Variants in CAMTA1 observed in about 807,000 individuals in gnomAD.
CAMTA1 encodes calmodulin-binding transcription activator 1.
A neutral mutation model predicts 170.9 loss-of-function variants in CAMTA1; 27 were observed. The ratio of observed to expected loss-of-function variants is 0.16; its 90% CI spans 0.12 to 0.22. The LOEUF (loss-of-function observed/expected upper bound fraction) is 0.22, where lower values mean the gene tolerates loss of function less well. Ranked by LOEUF, CAMTA1 falls within the 10% of genes least tolerant of loss-of-function variation. The pLI is 1.00. For missense variants in CAMTA1, 1,619 were observed against 2,217.2 expected, an observed-to-expected ratio of 0.73 and a Z score of 5.42; for synonymous variants, 833 against 891.5, an observed-to-expected ratio of 0.93 and a Z score of 1.17.
At chr1:7,660,591 C>CTCCTACCT (rs1257098443) in intron 7 of CAMTA1, among the ~76,000 whole-genome samples, 1 of 152,160 alleles carries the variant, frequency 6.6e-6, no homozygotes, top group African/African-American at 2.4e-5. Flanking sequence ...ACCGAGCCAG[C>CTCCTACCT]TCCTACCTGC....
Position 7,592,246 on chromosome 1 carries a change from C to CT in CAMTA1, c.511-48152dup, listed in dbSNP as rs1254028556. ...GCTCAGTGGCCCTCTTTGAAGGCCC[C>CT]TTCCCCAACCACGCCCATCACTGTC... On this transcript the variant is annotated intron_variant, in intron 6 of 22. Transcript: ENST00000303635. This position sits in a 1 kb window ranked among gnomAD's most constrained non-coding sequence, Gnocchi z 4.6. Among the ~76,000 whole-genome samples, 3 of 152,278 alleles carry CT rather than the reference C, an allele frequency of 2.0e-5. No homozygotes were observed. Among genetic ancestry groups the CT allele is most frequent in the Admixed American group, 6.5e-5 (1 of 15,290 alleles).
At chr1:7,199,935 AC>A (rs1390751790) in intron 4 of CAMTA1, among the ~76,000 whole-genome samples, 4 of 152,122 alleles carry the variant, frequency 2.6e-5, no homozygotes, top group Non-Finnish European at 1.5e-5. Flanking sequence ...ATGTTTATAC[AC>A]CTTTGCTGCA....
At chr1:7,168,255 T>C (rs528151068) in intron 4 of CAMTA1, among the ~76,000 whole-genome samples, 6 of 152,378 alleles carry the variant, frequency 3.9e-5, no homozygotes, top group African/African-American at 1.4e-4. Context: ...CTTTGAATTC[T>C]ATGTAGATAA....
At chr1:7,053,523 C>G (rs1706796964) in intron 3 of CAMTA1, among the ~76,000 whole-genome samples, 1 of 152,172 alleles carries the variant, frequency 6.6e-6, no homozygotes, top group Non-Finnish European at 1.5e-5. Context: ...TTGCTCAAAG[C>G]CTTTCAGGGC....
In CAMTA1 at chr1:7,216,124, G is replaced by C. The variant is rs1458398228; in HGVS notation, c.303-33367G>C. 6.6e-6 allele frequency among the ~76,000 whole-genome samples: 1 copy of C among 152,178 alleles called. No individual in the cohort carries two copies. Among genetic ancestry groups the C allele is most frequent in the Non-Finnish European group, 1.5e-5 (1 of 68,034 alleles). On this transcript the variant is annotated intron_variant, in intron 4 of 22. Coordinates refer to ENST00000303635, the MANE Select transcript of CAMTA1 (RefSeq NM_015215.4). This position sits in a 1 kb window ranked among gnomAD's most constrained non-coding sequence, Gnocchi z 4.0. The stretch of plus-strand genomic sequence containing the variant: ...GGCAGAAGGCGAAGGGGAAGCCCGC[G>C]TGTCCTGCGTGGCTGGAGCAGGAGG...
chr1:7,347,418 G>T (rs758440516), intron 5 of CAMTA1, among the ~76,000 whole-genome samples: 1 of 152,324 alleles, frequency 6.6e-6, no homozygotes, highest in Middle Eastern at 3.4e-3. Flanking sequence ...AGGGTCACGG[G>T]CTTTGGCTTT....
At chr1:7,589,051 A>G (rs892394284) in intron 6 of CAMTA1, among the ~76,000 whole-genome samples, 3 of 152,222 alleles carry the variant, frequency 2.0e-5, no homozygotes, top group African/African-American at 7.2e-5. Flanking sequence ...TTCCATTAGC[A>G]TTCGTTTCCT....
intron 3 of CAMTA1, among the ~76,000 whole-genome samples, chr1:6,952,487 A>G (rs939159453): frequency 5.9e-5 from 9 of 151,358 alleles, no homozygotes; most frequent in African/African-American, 1.9e-4. Flanking sequence ...TTTCTTTGGG[A>G]ATAAATATTA....
intron 6 of CAMTA1, among the ~76,000 whole-genome samples, chr1:7,618,560 C>T (rs2095575922): frequency 6.6e-6 from 1 of 152,202 alleles, no homozygotes; most frequent in South Asian, 2.1e-4. Flanking sequence ...AATTTGGCTC[C>T]TTGGGCCGGT....
At chr1:7,751,483 C>T in intron 20 of CAMTA1, 91 bp downstream of exon 20, 1 of 1,156,226 alleles carries the variant, frequency 8.6e-7, no homozygotes. Flanking sequence ...ACATTGGAGT[C>T]TGGGGTGGGC....
At chr1:7,350,722 GGT>G (rs145129293) in intron 5 of CAMTA1, among the ~76,000 whole-genome samples, 5 of 151,504 alleles carry the variant, frequency 3.3e-5, no homozygotes, top group African/African-American at 7.2e-5. Context: ...GAAGTCATAT[GGT>G]GTGTGTGTGT....
At chr1:7,543,316 C>T (rs1436803637) in intron 6 of CAMTA1, among the ~76,000 whole-genome samples, 1 of 152,192 alleles carries the variant, frequency 6.6e-6, no homozygotes, top group African/African-American at 2.4e-5. Flanking sequence ...TTTTTCATCT[C>T]ATCCCTGGGT....
chr1:6,862,128 A>G (rs1180583170), intron 3 of CAMTA1, among the ~76,000 whole-genome samples: 1 of 152,008 alleles, frequency 6.6e-6, no homozygotes, highest in Non-Finnish European at 1.5e-5. Context: ...ATGCCTGGCT[A>G]CTTTTTATAT....
intron 1 of CAMTA1, among the ~76,000 whole-genome samples, chr1:6,808,611 A>G (rs759342787): frequency 1.3e-5 from 2 of 152,154 alleles, no homozygotes; most frequent in Non-Finnish European, 2.9e-5. Flanking sequence ...TTTCCTAGTC[A>G]TGGCACATTT....
intron 11 of CAMTA1, among the ~76,000 whole-genome samples, chr1:7,688,071 CCA>C (rs2149375795): frequency 7.5e-6 from 1 of 133,762 alleles, no homozygotes; most frequent in East Asian, 2.2e-4. Flanking sequence ...TATAGTGGCT[CCA>C]TTTCAGCTTA....
chr1:6,791,064 G>T (rs12048319), intron 1 of CAMTA1, among the ~76,000 whole-genome samples: 25,075 of 149,636 alleles, frequency 0.17, 2,172 homozygotes, highest in East Asian at 0.29. Flanking sequence ...CCATTATACA[G>T]ATCTTTTCCT....
intron 11 of CAMTA1, among the ~76,000 whole-genome samples, chr1:7,683,493 G>A (rs1243879602): frequency 1.3e-5 from 2 of 152,078 alleles, no homozygotes; most frequent in Non-Finnish European, 2.9e-5. Flanking sequence ...TAGGGGAGCT[G>A]GAGAAGCACT....
At chr1:6,935,012 T>C (rs1248139640) in intron 3 of CAMTA1, among the ~76,000 whole-genome samples, 1 of 152,154 alleles carries the variant, frequency 6.6e-6, no homozygotes, top group Non-Finnish European at 1.5e-5. Flanking sequence ...TTAAAAGAAA[T>C]GCAGGAAAAG....
At position 6,886,279 on chromosome 1, in the gene CAMTA1, G is replaced by A. The variant is rs1164494014; in HGVS notation, c.234+61069G>A. 2.0e-5 allele frequency: 9 copies of A among 455,864 alleles called. 1 individual carries two copies. In the East Asian group the frequency reaches 5.6e-4, roughly 28 times the overall value. The allele number at this position is 455,864 out of a possible 1,614,324, so 28.2% of individuals were successfully genotyped here. ...GTAGCAGAAAGCAAATGTGCAAAGA[G>A]CAATGGAAAACAAGTCAGAAGCTGC... On this transcript the variant is annotated intron_variant, in intron 3 of 22. Coordinates refer to ENST00000303635, the MANE Select transcript of CAMTA1 (RefSeq NM_015215.4).
Sources: allele counts gnomAD v4.1 joint callset (sites outside exome capture counted in the v4.1 genomes callset), GRCh38; gene constraint gnomAD v4.1.1; non-coding constraint Gnocchi (gnomAD v3.1); transcripts MANE v1.5; gene names NCBI Gene and HGNC (gene_info 2026-07-23, HGNC 2026-07-21).